The following CDH13 variants were observed in gnomAD, a reference collection of about 807,000 sequenced individuals.
CDH13 encodes the protein cadherin 13.
CDH13 carries 24 observed loss-of-function variants against 63.8 expected under a neutral mutation model. That is an observed-to-expected ratio of 0.38 (90% confidence interval 0.27 to 0.53). The LOEUF is 0.53. CDH13 is among the 20% of genes least tolerant of loss of function. The pLI is 0.85. For missense variants in CDH13, 1,049 were observed against 903.1 expected, an observed-to-expected ratio of 1.16 and a Z score of -2.07; for synonymous variants, 503 against 355.3, an observed-to-expected ratio of 1.42 and a Z score of -4.67.
chr16:83,129,929 C>G (rs919633010), intron 4 of CDH13, among the ~76,000 whole-genome samples: 1 of 152,204 alleles, frequency 6.6e-6, no homozygotes. Context: ...CTAGCATTCT[C>G]ATGTCCTGGG....
chr16:83,783,199 C>T (rs553635253), intron 12 of CDH13, 55 bp from the exon 13 acceptor site: 1 of 1,264,314 alleles, frequency 7.9e-7, no homozygotes, highest in Non-Finnish European at 1.1e-6. Flanking sequence ...AAACCTCACT[C>T]TTTTATTGGA....
chr16:83,522,353 G>T (rs1347845190), intron 7 of CDH13, among the ~76,000 whole-genome samples: 1 of 152,146 alleles, frequency 6.6e-6, no homozygotes, highest in Non-Finnish European at 1.5e-5. Flanking sequence ...GTCAATTTGT[G>T]TTATGGACTG....
At chr16:82,889,241 C>T (rs1361878531) in intron 2 of CDH13, among the ~76,000 whole-genome samples, 2 of 152,046 alleles carry the variant, frequency 1.3e-5, no homozygotes, top group Non-Finnish European at 2.9e-5. Flanking sequence ...TTGGTTTTTA[C>T]ATGAAGTTAA....
At chr16:82,751,517 A>G (rs527897313) in intron 1 of CDH13, among the ~76,000 whole-genome samples, 204 of 152,266 alleles carry the variant, frequency 1.3e-3, no homozygotes, top group South Asian at 2.7e-3. Context: ...AGCATGGACC[A>G]GAGCTCTGGG....
At chr16:82,685,921 A>G (rs1037645204) in intron 1 of CDH13, among the ~76,000 whole-genome samples, 1 of 152,208 alleles carries the variant, frequency 6.6e-6, no homozygotes, top group African/African-American at 2.4e-5. Context: ...AATGGCCGCC[A>G]CCCACATATC....
intron 7 of CDH13, among the ~76,000 whole-genome samples, chr16:83,554,792 T>G (rs2075571272): frequency 6.6e-6 from 1 of 152,206 alleles, no homozygotes; most frequent in Non-Finnish European, 1.5e-5. Flanking sequence ...CAATAACTAC[T>G]TCAAAGCCAT....
chr16:83,749,368 T>G (rs1474396673), intron 11 of CDH13, among the ~76,000 whole-genome samples: 2 of 152,116 alleles, frequency 1.3e-5, no homozygotes, highest in Non-Finnish European at 2.9e-5. Context: ...AAGGTGAGCC[T>G]TGGGGTTAGC....
chr16:83,410,087 G>T (rs734197), intron 6 of CDH13, among the ~76,000 whole-genome samples: 1 of 152,086 alleles, frequency 6.6e-6, no homozygotes, highest in Non-Finnish European at 1.5e-5. Context: ...CCTGAGAGTT[G>T]CAAGCACAAA....
At position 82,879,371 on chromosome 16, in the gene CDH13, A is replaced by T. The variant is rs887116071; in HGVS notation, c.157+20898A>T. Among the ~76,000 whole-genome samples, 4 of 151,230 alleles carry T rather than the reference A, an allele frequency of 2.6e-5. No individual in the cohort carries two copies. In the Admixed American group the frequency reaches 2.6e-4, roughly 10 times the overall value. On this transcript the variant is annotated intron_variant, in intron 2 of 13. Transcript: ENST00000567109. ...TATTTCTATCCATTAATGTCATCTG[A>T]TCATGGCCCCTCAAACCTCACTTTG...
chr16:82,847,557 A>C (rs191386896), intron 1 of CDH13, among the ~76,000 whole-genome samples: 1 of 152,138 alleles, frequency 6.6e-6, no homozygotes, highest in African/African-American at 2.4e-5. Flanking sequence ...CTGTGATTAC[A>C]TTGGGTTTAC....
intron 6 of CDH13, among the ~76,000 whole-genome samples, chr16:83,431,410 A>G (rs1298361257): frequency 2.0e-5 from 3 of 151,926 alleles, no homozygotes; most frequent in Non-Finnish European, 4.4e-5. Context: ...GCAGGAGATG[A>G]TGGCAGAGAG....
chr16:82,803,742 G>T (rs1393023643), intron 1 of CDH13, among the ~76,000 whole-genome samples: 1 of 151,890 alleles, frequency 6.6e-6, no homozygotes, highest in Non-Finnish European at 1.5e-5. Flanking sequence ...AGAAACTGCA[G>T]GATTCCACTT....
intron 6 of CDH13, among the ~76,000 whole-genome samples, chr16:83,457,777 A>G (rs1374466941): frequency 1.3e-5 from 2 of 152,192 alleles, no homozygotes; most frequent in African/African-American, 4.8e-5. Flanking sequence ...CCCACTCCGC[A>G]TCCAAGATCC....
intron 2 of CDH13, among the ~76,000 whole-genome samples, chr16:83,019,222 A>G (rs1390040336): frequency 6.6e-6 from 1 of 152,142 alleles, no homozygotes; most frequent in Non-Finnish European, 1.5e-5. Context: ...TTATATCCTT[A>G]TTTTATAGAC....
At chr16:83,392,733 C>A (rs979305832) in intron 6 of CDH13, among the ~76,000 whole-genome samples, 1 of 151,982 alleles carries the variant, frequency 6.6e-6, no homozygotes, top group Non-Finnish European at 1.5e-5. Context: ...AACCAGCGCA[C>A]GAGGCAGAAT....
chr16:83,445,590 A>G (rs1285185838), intron 6 of CDH13, among the ~76,000 whole-genome samples: 1 of 152,134 alleles, frequency 6.6e-6, no homozygotes, highest in African/African-American at 2.4e-5. Flanking sequence ...GAACTTTCAC[A>G]CTTGGCTTTA....
chr16:83,251,506 A>G (rs905353283), intron 5 of CDH13, among the ~76,000 whole-genome samples: 2 of 152,206 alleles, frequency 1.3e-5, no homozygotes, highest in Middle Eastern at 3.4e-3. Flanking sequence ...GAGATTCCCA[A>G]CCTCAGCCCT....
chr16:83,708,411 T>C (rs116112683), intron 10 of CDH13, among the ~76,000 whole-genome samples: 1,782 of 152,318 alleles, frequency 0.012, 44 homozygotes, highest in African/African-American at 0.041. Flanking sequence ...AAGCCAGTCC[T>C]TTCACTTTCT....
At chr16:83,237,687 C>T (rs886174065) in intron 5 of CDH13, among the ~76,000 whole-genome samples, 1 of 152,190 alleles carries the variant, frequency 6.6e-6, no homozygotes, top group African/African-American at 2.4e-5. Flanking sequence ...ACCAATTTTG[C>T]CTCTCCCTTG....
Sources: allele counts gnomAD v4.1 joint callset (sites outside exome capture counted in the v4.1 genomes callset), GRCh38; gene constraint gnomAD v4.1.1; transcripts MANE v1.5; gene names NCBI Gene and HGNC (gene_info 2026-07-23, HGNC 2026-07-21).